The following DNMBP variants were observed in gnomAD, a reference collection of about 807,000 sequenced individuals.
DNMBP encodes the protein dynamin binding protein, also known as dynamin-binding protein.
Under a neutral mutation model 150.0 loss-of-function variants are expected in DNMBP, and 87 were observed. The ratio of observed to expected loss-of-function variants is 0.58; its 90% CI spans 0.49 to 0.69. DNMBP has a LOEUF of 0.69. Ranked by LOEUF, DNMBP falls within the 30% of genes least tolerant of loss-of-function variation. The pLI, the probability that DNMBP is intolerant of heterozygous loss-of-function variation, is 0.00. For missense variants in DNMBP, 1,774 were observed against 1,949.0 expected (o/e 0.91, Z 1.69); for synonymous variants, 711 against 750.4 (o/e 0.95, Z 0.86).
intron 1 of DNMBP, among the ~76,000 whole-genome samples, chr10:99,995,105 T>C (rs931297895): frequency 3.3e-5 from 5 of 149,882 alleles, no homozygotes; most frequent in East Asian, 3.9e-4. Flanking sequence ...CAGACTGGAG[T>C]GCGGTGGTGC....
chr10:99,879,089 A>AAAAAAAAAAAAAAAAAAAC (rs1382269295), intron 16 of DNMBP, among the ~76,000 whole-genome samples: 4 of 149,924 alleles, frequency 2.7e-5, no homozygotes, highest in African/African-American at 7.4e-5. Context: ...TGTCTCAAAA[A>AAAAAAAAAAAAAAAAAAAC]AAAAAAAAAA....
At chr10:99,996,706 C>T (rs1022746362) in intron 1 of DNMBP, among the ~76,000 whole-genome samples, 1 of 151,884 alleles carries the variant, frequency 6.6e-6, no homozygotes, top group Non-Finnish European at 1.5e-5. Flanking sequence ...ACTTATTAAC[C>T]ATTTGACTTT....
chr10:99,981,579 C>T (rs926272858), intron 1 of DNMBP, among the ~76,000 whole-genome samples: 2 of 152,140 alleles, frequency 1.3e-5, no homozygotes, highest in African/African-American at 4.8e-5. Context: ...TGATAGACAC[C>T]GATATCAAAC....
intron 4 of DNMBP, among the ~76,000 whole-genome samples, chr10:99,917,968 CAAAAAA>C (rs749252887): frequency 7.7e-5 from 4 of 52,262 alleles, no homozygotes; most frequent in Non-Finnish European, 1.2e-4. Context: ...GACTCTGTCT[CAAAAAA>C]AAAAAAAAAA....
intron 4 of DNMBP, chr10:99,929,982 A>G (rs1383249039): frequency 2.8e-6 from 2 of 702,828 alleles, no homozygotes; most frequent in African/African-American, 3.5e-5. Flanking sequence ...TTCTGTATCA[A>G]AATCACCCTG....
In DNMBP at chr10:99,913,966, A is replaced by G. The variant is rs569031656; in HGVS notation, c.2261-4820T>C. On this transcript the variant is annotated intron_variant, in intron 4 of 16. Coordinates refer to ENST00000324109, the MANE Select transcript of DNMBP (RefSeq NM_015221.4). ...CCCAGGACCTACCTGCAGTGCCCAG[A>G]GCTGGCTGTGTGTGGAGGTGTGGGC... is the stretch of plus-strand genomic sequence containing the variant. 1.4e-5 allele frequency: 20 copies of G among 1,448,318 alleles called. No homozygotes were observed. In the East Asian group the frequency reaches 3.9e-4, roughly 29 times the overall value. 89.7% of individuals were successfully genotyped at this position (1,448,318 alleles called of 1,614,324 possible).
chr10:99,968,123 C>G (rs755146338), intron 3 of DNMBP, among the ~76,000 whole-genome samples: 1 of 152,128 alleles, frequency 6.6e-6, no homozygotes, highest in African/African-American at 2.4e-5. Flanking sequence ...CTTGCTGCAG[C>G]CTCCTGAGTT....
chr10:99,891,678 G>A (rs1053360211), intron 11 of DNMBP, among the ~76,000 whole-genome samples: 3 of 150,314 alleles, frequency 2.0e-5, no homozygotes, highest in Non-Finnish European at 3.0e-5. Flanking sequence ...TGCCCAGTCT[G>A]GAAAGTGAGG....
chr10:99,992,641 CT>C (rs1423723680), intron 1 of DNMBP, among the ~76,000 whole-genome samples: 9 of 151,354 alleles, frequency 5.9e-5, no homozygotes, highest in Non-Finnish European at 1.3e-4. Context: ...ATTCTCCTGC[CT>C]TAGCCTCCCG....
chr10:99,960,983 A>G (rs555250978), intron 3 of DNMBP, among the ~76,000 whole-genome samples: 7 of 152,138 alleles, frequency 4.6e-5, no homozygotes, highest in African/African-American at 1.4e-4. Flanking sequence ...TCTCTAAAAA[A>G]TAAAATAAAA....
At chr10:99,904,588 G>A (rs149636439) in intron 6 of DNMBP, among the ~76,000 whole-genome samples, 3,570 of 152,096 alleles carry the variant, frequency 0.023, 68 homozygotes, top group Non-Finnish European at 0.038. Flanking sequence ...TAGAGCCACC[G>A]GCATGGTACT....
chr10:99,914,088 T>G, intron 4 of DNMBP: 1 of 1,399,068 alleles, frequency 7.1e-7, no homozygotes, highest in Non-Finnish European at 9.3e-7. Context: ...TCCCCCAGGC[T>G]TCCCACATTT....
At chr10:99,903,831 C>T (rs1184430615) in intron 6 of DNMBP, among the ~76,000 whole-genome samples, 1 of 152,176 alleles carries the variant, frequency 6.6e-6, no homozygotes, top group Non-Finnish European at 1.5e-5. Flanking sequence ...TACAAACTAG[C>T]AAAGCTACAC....
chr10:99,884,938 A>T (rs2039433251), intron 14 of DNMBP, among the ~76,000 whole-genome samples: 1 of 152,068 alleles, frequency 6.6e-6, no homozygotes, highest in Non-Finnish European at 1.5e-5. Flanking sequence ...AGGTAATATA[A>T]ATTAATGTCT....
chr10:99,918,574 C>T (rs866870609), intron 4 of DNMBP, among the ~76,000 whole-genome samples: 7 of 137,902 alleles, frequency 5.1e-5, no homozygotes, highest in Non-Finnish European at 1.1e-4. Context: ...TCTGCAACTT[C>T]TTTTTTTTTT....
chr10:99,915,108 A>AAAATATATATATATATATATAT (rs10654940), intron 4 of DNMBP, among the ~76,000 whole-genome samples: 1 of 99,804 alleles, frequency 1.0e-5, no homozygotes, highest in African/African-American at 4.4e-5. Context: ...AAAAAAAAAA[A>AAAATATATATATATATATATAT]ATATATATAT....
intron 12 of DNMBP, 67 bp downstream of exon 12, chr10:99,888,758 T>C: frequency 6.3e-7 from 1 of 1,596,048 alleles, no homozygotes; most frequent in East Asian, 2.2e-5. Context: ...GGAACTGACT[T>C]GCATGAGCTG....
At chr10:100,004,354 G>A (rs188203186) in intron 1 of DNMBP, among the ~76,000 whole-genome samples, 28 of 152,052 alleles carry the variant, frequency 1.8e-4, no homozygotes, top group Non-Finnish European at 3.5e-4. Context: ...TCCAGGAAGA[G>A]CTAAATAAAC....
intron 1 of DNMBP, among the ~76,000 whole-genome samples, chr10:99,998,191 C>T (rs12255510): frequency 0.039 from 5,844 of 149,458 alleles, 133 homozygotes; most frequent in South Asian, 0.088. Context: ...GCAGTGATCG[C>T]GCCACTGTAC....
Sources: gnomAD v4.1 joint callset for allele counts (sites outside exome capture counted in the v4.1 genomes callset) on GRCh38, gnomAD v4.1.1 for gene constraint, MANE v1.5 for transcripts, NCBI Gene and HGNC (gene_info 2026-07-23, HGNC 2026-07-21) for gene names.